GPR39: variants seen among roughly 807,000 people sequenced by gnomAD.
GPR39 encodes the protein G protein-coupled receptor 39.
Under a neutral mutation model 18.4 loss-of-function variants are expected in GPR39, and 23 were observed. That is an observed-to-expected ratio of 1.25 (90% CI 0.90 to 1.77). The LOEUF is 1.77. Among genes scored for constraint, GPR39 ranks in the 40% most tolerant of loss-of-function variants. The pLI, the probability that GPR39 is intolerant of heterozygous loss-of-function variation, is 0.00. For synonymous variants in GPR39, 280 were observed against 257.9 expected (o/e 1.09, Z -0.82); for missense variants, 647 against 602.4 (o/e 1.07, Z -0.78).
At chr2:132,547,819 TG>T (rs1679976138) in intron 1 of GPR39, among the ~76,000 whole-genome samples, 1 of 152,226 alleles carries the variant, frequency 6.6e-6, no homozygotes, top group Admixed American at 6.5e-5. Flanking sequence ...CAGATTTTCC[TG>T]AATTAGGCAC....
At chr2:132,583,985 C>T (rs569428001) in intron 1 of GPR39, among the ~76,000 whole-genome samples, 1 of 152,010 alleles carries the variant, frequency 6.6e-6, no homozygotes, top group African/African-American at 2.4e-5. Flanking sequence ...TCAGAGGAGC[C>T]CTTGAGAGAA....
Position 132,607,831 on chromosome 2 carries a change from G to A in GPR39, c.857-37270G>A, listed in dbSNP as rs151182015. Among the ~76,000 whole-genome samples, 146 of 152,242 alleles carry A rather than the reference G, an allele frequency of 9.6e-4. 1 individual carries two copies. Among genetic ancestry groups the A allele is most frequent in the East Asian group, 8.3e-3 (43 of 5,186 alleles). On this transcript the variant is annotated intron_variant, in intron 1 of 1. Transcript: ENST00000329321. ...GTAGCGCTTTGATTTTTAATTTTACGCTCTTGGCAGGCAATCAGGGTCTTT... is the reference window on the plus strand; with the variant it reads ...GTAGCGCTTTGATTTTTAATTTTACACTCTTGGCAGGCAATCAGGGTCTTT...
At chr2:132,467,059 CA>C (rs1680940228) in intron 1 of GPR39, among the ~76,000 whole-genome samples, 1 of 152,104 alleles carries the variant, frequency 6.6e-6, no homozygotes, top group Non-Finnish European at 1.5e-5. Context: ...GAGTTGTAGG[CA>C]GTGAAGAAAT....
At chr2:132,601,313 C>G (rs1412359771) in intron 1 of GPR39, among the ~76,000 whole-genome samples, 1 of 152,076 alleles carries the variant, frequency 6.6e-6, no homozygotes, top group African/African-American at 2.4e-5. Flanking sequence ...TTAACACACA[C>G]AAATCAATAA....
At chr2:132,496,454 A>G (rs1306152383) in intron 1 of GPR39, among the ~76,000 whole-genome samples, 1 of 152,184 alleles carries the variant, frequency 6.6e-6, no homozygotes, top group African/African-American at 2.4e-5. Flanking sequence ...CAAAATAATA[A>G]TCAGTCACCT....
At chr2:132,511,487 A>C (rs1480965158) in intron 1 of GPR39, among the ~76,000 whole-genome samples, 1 of 152,194 alleles carries the variant, frequency 6.6e-6, no homozygotes, top group African/African-American at 2.4e-5. Flanking sequence ...AAAATGACAA[A>C]ATGGTTTTTA....
intron 1 of GPR39, among the ~76,000 whole-genome samples, chr2:132,637,639 C>T (rs1218988848): frequency 6.6e-6 from 1 of 152,234 alleles, no homozygotes; most frequent in Non-Finnish European, 1.5e-5. Flanking sequence ...CTCCAAGCTG[C>T]AGGTCACTAG....
intron 1 of GPR39, among the ~76,000 whole-genome samples, chr2:132,507,778 C>T (rs1402388904): frequency 6.6e-6 from 1 of 152,164 alleles, no homozygotes; most frequent in Non-Finnish European, 1.5e-5. Flanking sequence ...CTTAGGAAAG[C>T]ACTATACTTA....
At chr2:132,546,284 A>T (rs927959730) in intron 1 of GPR39, among the ~76,000 whole-genome samples, 1 of 152,194 alleles carries the variant, frequency 6.6e-6, no homozygotes, top group African/African-American at 2.4e-5. Flanking sequence ...TTGCATTTCT[A>T]ACAAGCCCCC....
At chr2:132,491,432 A>G (rs1424415373) in intron 1 of GPR39, among the ~76,000 whole-genome samples, 1 of 152,028 alleles carries the variant, frequency 6.6e-6, no homozygotes, top group East Asian at 1.9e-4. Context: ...CTACTTATTC[A>G]AATGTTCTTG....
At chr2:132,452,706 C>G (rs1573609102) in intron 1 of GPR39, among the ~76,000 whole-genome samples, 1 of 151,836 alleles carries the variant, frequency 6.6e-6, no homozygotes, top group Non-Finnish European at 1.5e-5. Flanking sequence ...CAATTCCCAC[C>G]TATGAGTGAG....
rs1296360310 is a variant in GPR39, at chr2:132,417,621, C to T, written c.579C>T (p.Arg193=). Residue 193 remains arginine, a synonymous_variant, in exon 1 of 2, where the codon CGC becomes CGT. Transcript: ENST00000329321. ...GCCACCGGGGTCTCACTTGCAACCGCTCCAGCACCCGCCACCACGAGCAGC... is the reference window on the plus strand; with the variant it reads ...GCCACCGGGGTCTCACTTGCAACCGTTCCAGCACCCGCCACCACGAGCAGC... ...VPSHRGLTCN[R]SSTRHHEQPE... The T allele has an allele frequency of 6.2e-7, 1 of 1,614,164 alleles. No individual in the cohort carries two copies. Among genetic ancestry groups the T allele is most frequent in the Non-Finnish European group, 8.5e-7 (1 of 1,180,024 alleles).
chr2:132,496,438 C>T (rs1211628392), intron 1 of GPR39, among the ~76,000 whole-genome samples: 1 of 152,116 alleles, frequency 6.6e-6, no homozygotes, highest in African/African-American at 2.4e-5. Flanking sequence ...GTGCCTGGTC[C>T]CCTCCCAAAA....
At chr2:132,443,958 C>T (rs1290271935) in intron 1 of GPR39, among the ~76,000 whole-genome samples, 4 of 152,090 alleles carry the variant, frequency 2.6e-5, no homozygotes, top group Non-Finnish European at 5.9e-5. Context: ...ACCTGTAGTC[C>T]TAGCTACTTG....
chr2:132,590,456 C>T (rs369227652), intron 1 of GPR39, among the ~76,000 whole-genome samples: 11 of 152,160 alleles, frequency 7.2e-5, no homozygotes, highest in Middle Eastern at 3.4e-3. Flanking sequence ...TAGACAAGCA[C>T]TCAGCCCCTG....
intron 1 of GPR39, among the ~76,000 whole-genome samples, chr2:132,579,671 C>T (rs903850931): frequency 3.9e-5 from 6 of 151,902 alleles, no homozygotes; most frequent in Non-Finnish European, 7.4e-5. Flanking sequence ...TGCTAGACCT[C>T]GTTGACTAAA....
chr2:132,600,794 A>T (rs533925051), intron 1 of GPR39, among the ~76,000 whole-genome samples: 1 of 144,356 alleles, frequency 6.9e-6, no homozygotes, highest in South Asian at 2.1e-4. Context: ...GTTGTTGTTT[A>T]AAAAAAAAAA....
intron 1 of GPR39, among the ~76,000 whole-genome samples, chr2:132,519,789 C>T (rs1256077006): frequency 6.6e-6 from 1 of 152,212 alleles, no homozygotes; most frequent in East Asian, 1.9e-4. Flanking sequence ...ACAATCTCAT[C>T]ATTGCTATTT....
At chr2:132,635,817 TG>T (rs757023126) in intron 1 of GPR39, among the ~76,000 whole-genome samples, 5 of 152,144 alleles carry the variant, frequency 3.3e-5, no homozygotes, top group Admixed American at 6.5e-5. Context: ...GGTGGGACTC[TG>T]AATAGGACGA....
Sources: gnomAD v4.1 joint callset for allele counts (sites outside exome capture counted in the v4.1 genomes callset) on GRCh38, gnomAD v4.1.1 for gene constraint, MANE v1.5 for transcripts, NCBI Gene and HGNC (gene_info 2026-07-23, HGNC 2026-07-21) for gene names.